The following SIPA1L1 variants were observed in gnomAD, a reference collection of about 807,000 sequenced individuals.
SIPA1L1 encodes signal-induced proliferation-associated 1-like protein 1.
A neutral mutation model predicts 162.7 loss-of-function variants in SIPA1L1; 26 were observed. That is an observed-to-expected ratio of 0.16 (90% CI 0.12 to 0.22). The LOEUF (loss-of-function observed/expected upper bound fraction) is 0.22, where lower values mean the gene tolerates loss of function less well. SIPA1L1 is among the 10% of genes least tolerant of loss of function. The probability of loss-of-function intolerance (pLI) is 1.00; values close to 1 mark genes in which losing one functional copy is unlikely to be tolerated. For missense variants in SIPA1L1, 1,874 were observed against 2,241.0 expected (o/e 0.84, Z 3.31); for synonymous variants, 829 against 837.4 (o/e 0.99, Z 0.17).
chr14:71,360,251 A>G (rs1351051756), intron 2 of SIPA1L1, among the ~76,000 whole-genome samples: 1 of 152,214 alleles, frequency 6.6e-6, no homozygotes, highest in African/African-American at 2.4e-5. Context: ...TAGTTTATGA[A>G]TGGTTATTTT....
At chr14:71,459,096 A>T (rs924070670) in intron 2 of SIPA1L1, among the ~76,000 whole-genome samples, 1 of 151,996 alleles carries the variant, frequency 6.6e-6, no homozygotes, top group Middle Eastern at 3.4e-3. Flanking sequence ...AATTCTCAGC[A>T]ATAGATGTTT....
chr14:71,472,953 G>A (rs117286596), intron 2 of SIPA1L1, among the ~76,000 whole-genome samples: 212 of 151,380 alleles, frequency 1.4e-3, no homozygotes, highest in Non-Finnish European at 2.5e-3. Flanking sequence ...TCAAATGATC[G>A]TCCCACCTTA....
intron 12 of SIPA1L1, among the ~76,000 whole-genome samples, chr14:71,681,120 A>G (rs1302305669): frequency 6.6e-6 from 1 of 152,212 alleles, no homozygotes; most frequent in South Asian, 2.1e-4. Context: ...CCAAAGAGTG[A>G]ACGGAACCAG....
intron 2 of SIPA1L1, among the ~76,000 whole-genome samples, chr14:71,491,602 A>G (rs575836136): frequency 3.9e-5 from 6 of 152,058 alleles, no homozygotes; most frequent in African/African-American, 1.2e-4. Context: ...TGGTGCAATC[A>G]TGGCTCACTG....
chr14:71,322,552 A>T (rs374946034), intron 2 of SIPA1L1, among the ~76,000 whole-genome samples: 2 of 152,236 alleles, frequency 1.3e-5, no homozygotes, highest in Admixed American at 1.3e-4. Flanking sequence ...CAACTATTAG[A>T]TGACATCCCA....
At chr14:71,602,852 A>T (rs1227065445) in intron 5 of SIPA1L1, among the ~76,000 whole-genome samples, 1 of 152,216 alleles carries the variant, frequency 6.6e-6, no homozygotes, top group African/African-American at 2.4e-5. Context: ...CGAGGGATCT[A>T]GGTTGTGCCC....
chr14:71,330,933 CA>C (rs1435293066), intron 2 of SIPA1L1, among the ~76,000 whole-genome samples: 1 of 152,200 alleles, frequency 6.6e-6, no homozygotes, highest in African/African-American at 2.4e-5. Context: ...GATGCAGTCC[CA>C]CTTGGCTAAT....
chr14:71,332,603 G>T (rs2034675152), intron 2 of SIPA1L1, among the ~76,000 whole-genome samples: 1 of 152,184 alleles, frequency 6.6e-6, no homozygotes. Flanking sequence ...TGAGGACCCA[G>T]ATAGGGTTTT....
chr14:71,562,933 G>A (rs1012494330), intron 4 of SIPA1L1, among the ~76,000 whole-genome samples: 1 of 152,160 alleles, frequency 6.6e-6, no homozygotes, highest in Non-Finnish European at 1.5e-5. Flanking sequence ...AGGATTACAG[G>A]CGTGGCCCCC....
At chr14:71,463,886 C>G (rs1306984131) in intron 2 of SIPA1L1, among the ~76,000 whole-genome samples, 1 of 152,212 alleles carries the variant, frequency 6.6e-6, no homozygotes, top group Non-Finnish European at 1.5e-5. Flanking sequence ...CTGATTGCCA[C>G]TTTGCCTCTG....
chr14:71,531,300 C>CTT (rs1010740895), intron 4 of SIPA1L1, among the ~76,000 whole-genome samples: 203 of 141,392 alleles, frequency 1.4e-3, no homozygotes, highest in Non-Finnish European at 2.6e-3. Context: ...AAATTTACTT[C>CTT]TTTTTTTTTT....
chr14:71,708,306 A>G (rs1383051667), intron 16 of SIPA1L1, among the ~76,000 whole-genome samples: 2 of 149,956 alleles, frequency 1.3e-5, no homozygotes, highest in Non-Finnish European at 3.0e-5. Flanking sequence ...TAAGGATCCA[A>G]CTTTATTCTT....
At chr14:71,616,047 G>C (rs762302838) in intron 5 of SIPA1L1, among the ~76,000 whole-genome samples, 1 of 152,176 alleles carries the variant, frequency 6.6e-6, no homozygotes, top group Non-Finnish European at 1.5e-5. Context: ...CAGGCTTAGA[G>C]ATGTCTGGAG....
At chr14:71,399,703 C>G (rs1410984280) in intron 2 of SIPA1L1, among the ~76,000 whole-genome samples, 1 of 151,154 alleles carries the variant, frequency 6.6e-6, no homozygotes, top group Non-Finnish European at 1.5e-5. Context: ...TATAAACCAC[C>G]ACACCTTTTA....
chr14:71,723,880 C>T lies in SIPA1L1; in HGVS notation c.4442C>T (p.Thr1481Met), dbSNP rs753010914. ...GTINSVGFMDTRKRHQSDGNE... is the reference protein window; with the variant it reads ...GTINSVGFMDMRKRHQSDGNE... ...ATAAACTCCGTGGGATTTATGGACACGAGAAAGTAAGAGTTACTTTCCTTC... is the reference window on the plus strand; with the variant it reads ...ATAAACTCCGTGGGATTTATGGACATGAGAAAGTAAGAGTTACTTTCCTTC... The change falls in exon 18 of 24, where the codon ACG becomes ATG. Residue 1481 changes from threonine (T) to methionine (M), a missense_variant. Around this residue, in one of 5 missense-constraint regions of SIPA1L1, gnomAD observed 936 missense variants for 1,051.9 expected, o/e 0.89. Coordinates refer to ENST00000381232, the MANE Select transcript of SIPA1L1 (RefSeq NM_001386936.1). 1.5e-5 allele frequency: 25 copies of T among 1,614,006 alleles called. No homozygotes were observed. The Admixed American group carries it at 2.2e-4, about 14-fold the overall frequency.
intron 4 of SIPA1L1, among the ~76,000 whole-genome samples, chr14:71,545,348 C>T (rs1175182988): frequency 6.6e-6 from 1 of 152,180 alleles, no homozygotes; most frequent in African/African-American, 2.4e-5. Context: ...TTACGAACCT[C>T]TTCACTTAAC....
chr14:71,405,185 A>G (rs573317443), intron 2 of SIPA1L1, among the ~76,000 whole-genome samples: 61 of 152,356 alleles, frequency 4.0e-4, no homozygotes, highest in African/African-American at 1.4e-3. Context: ...TAGCTGCTTA[A>G]GTAGATAGAT....
intron 4 of SIPA1L1, among the ~76,000 whole-genome samples, chr14:71,548,938 A>G (rs1163378171): frequency 6.6e-6 from 1 of 151,176 alleles, no homozygotes; most frequent in Non-Finnish European, 1.5e-5. Flanking sequence ...ATATAGTGAG[A>G]TATAGCTTAA....
intron 2 of SIPA1L1, among the ~76,000 whole-genome samples, chr14:71,346,622 G>T (rs1168545621): frequency 3.3e-5 from 5 of 152,168 alleles, no homozygotes. Flanking sequence ...AAGCAAAAGC[G>T]GGGATGGCTT....
Sources: allele counts gnomAD v4.1 joint callset (sites outside exome capture counted in the v4.1 genomes callset), GRCh38; gene constraint gnomAD v4.1.1; regional missense constraint gnomAD v4.1.1; transcripts MANE v1.5; gene names NCBI Gene and HGNC (gene_info 2026-07-23, HGNC 2026-07-21).